SMAD2: variants seen among roughly 807,000 people sequenced by gnomAD.
SMAD2 encodes SMAD family member 2.
SMAD2 carries 8 observed loss-of-function variants against 64.4 expected under a neutral mutation model. That is an observed-to-expected ratio of 0.12 (90% CI 0.07 to 0.22). The LOEUF is 0.22. Ranked by LOEUF, SMAD2 falls within the 10% of genes least tolerant of loss-of-function variation. The pLI is 1.00. For synonymous variants in SMAD2, 203 were observed against 195.8 expected, an observed-to-expected ratio of 1.04 and a Z score of -0.31; for missense variants, 289 against 561.2, an observed-to-expected ratio of 0.51 and a Z score of 4.90.
chr18:47,867,459 T>C (rs1253924345), intron 5 of SMAD2: 4 of 152,076 alleles, frequency 2.6e-5, no homozygotes, highest in Non-Finnish European at 4.4e-5. Flanking sequence ...AAGAATTTTG[T>C]AAATGCTCTT....
At chr18:47,862,475 T>G (rs1035628492) in intron 6 of SMAD2, among the ~76,000 whole-genome samples, 1 of 152,224 alleles carries the variant, frequency 6.6e-6, no homozygotes, top group Non-Finnish European at 1.5e-5. Flanking sequence ...ATCCTAGGAA[T>G]TGCTCAGCTT....
At chr18:47,857,896 G>A (rs2030854335) in intron 6 of SMAD2, among the ~76,000 whole-genome samples, 2 of 152,176 alleles carry the variant, frequency 1.3e-5, no homozygotes, top group South Asian at 2.1e-4. Context: ...ATGCAGTCTT[G>A]CCATATTTGT....
chr18:47,858,938 G>A (rs2030942941), intron 6 of SMAD2, among the ~76,000 whole-genome samples: 1 of 151,890 alleles, frequency 6.6e-6, no homozygotes, highest in African/African-American at 2.4e-5. Context: ...AATATAAGCG[G>A]ACTAAATTTT....
chr18:47,864,565 A>T (rs2031420554), intron 6 of SMAD2, among the ~76,000 whole-genome samples: 1 of 152,078 alleles, frequency 6.6e-6, no homozygotes, highest in Non-Finnish European at 1.5e-5. Flanking sequence ...TAAAGCTTTA[A>T]TTTTTTTCTT....
At chr18:47,924,467 CTTT>C (rs935951805) in intron 1 of SMAD2, among the ~76,000 whole-genome samples, 1 of 143,110 alleles carries the variant, frequency 7.0e-6, no homozygotes, top group Admixed American at 7.0e-5. Context: ...TCTTTTTTTT[CTTT>C]TTTTTTTTTG....
intron 2 of SMAD2, among the ~76,000 whole-genome samples, chr18:47,871,381 C>T (rs1418488666): frequency 6.6e-6 from 1 of 152,174 alleles, no homozygotes; most frequent in African/African-American, 2.4e-5. Context: ...TTCAAAACAT[C>T]TTTTGAAAAT....
At chr18:47,884,426 GCCA>G (rs2032776351) in intron 2 of SMAD2, among the ~76,000 whole-genome samples, 1 of 152,000 alleles carries the variant, frequency 6.6e-6, no homozygotes, top group African/African-American at 2.4e-5. Flanking sequence ...AGAGACAGAG[GCCA>G]CATTTTTAAT....
rs1375874310 is a variant in SMAD2 at position 47,817,765 on chromosome 18, T to C, written c.*24062A>G. ...TGCATCTGTAAATGATTTGGCTCTT[T>C]TCCCCTGTTTCTGAACATCTCCCAA... On this transcript the variant is annotated 3_prime_UTR_variant, in exon 11 of 11. Coordinates refer to ENST00000262160, the MANE Select transcript of SMAD2 (RefSeq NM_005901.6). 1 of 152,262 alleles carries C rather than the reference T, an allele frequency of 6.6e-6. No individual in the cohort carries two copies. Among genetic ancestry groups the C allele is most frequent in the Non-Finnish European group, 1.5e-5 (1 of 68,048 alleles). The allele number at this position is 152,262 out of a possible 1,614,324, so 9.4% of individuals were successfully genotyped here. A position where few individuals can be genotyped will look rare whatever the true frequency, so the allele number is the denominator to read the frequency against.
chr18:47,885,220 G>A (rs186715422), intron 2 of SMAD2, among the ~76,000 whole-genome samples: 126 of 146,852 alleles, frequency 8.6e-4, no homozygotes, highest in African/African-American at 3.1e-3. Context: ...CTGTCACCCA[G>A]GCTGGAGTGC....
At chr18:47,849,802 GT>G (rs1914919319) in intron 7 of SMAD2, among the ~76,000 whole-genome samples, 1 of 151,998 alleles carries the variant, frequency 6.6e-6, no homozygotes, top group African/African-American at 2.4e-5. Flanking sequence ...GAGGCCAGGA[GT>G]TTGAGACCAG....
At chr18:47,864,157 A>C (rs2031389920) in intron 6 of SMAD2, among the ~76,000 whole-genome samples, 1 of 152,196 alleles carries the variant, frequency 6.6e-6, no homozygotes, top group Non-Finnish European at 1.5e-5. Flanking sequence ...TAAGATGTAT[A>C]ACACGTTATT....
chr18:47,860,102 C>T (rs866605646), intron 6 of SMAD2, among the ~76,000 whole-genome samples: 1 of 152,114 alleles, frequency 6.6e-6, no homozygotes, highest in Non-Finnish European at 1.5e-5. Flanking sequence ...CCACTGCACT[C>T]CAGCCTGGGC....
chr18:47,866,316 CAA>C (rs34302955), intron 5 of SMAD2, among the ~76,000 whole-genome samples: 35 of 42,090 alleles, frequency 8.3e-4, no homozygotes, highest in African/African-American at 3.1e-3. Context: ...AACACCGTCT[CAA>C]AAAAAAAAAA....
In SMAD2 at chr18:47,831,965, CTG is replaced by C. The variant is rs1913014445; in HGVS notation, c.*9860_*9861del. On this transcript the variant is annotated 3_prime_UTR_variant, in exon 11 of 11. Coordinates refer to ENST00000262160, the MANE Select transcript of SMAD2 (RefSeq NM_005901.6). ...ATCTGTCAAAGGGTAAGCTGGATAACTGTATGTTGCAAACATGTTCCTGAACA... is the reference window on the plus strand; with the variant it reads ...ATCTGTCAAAGGGTAAGCTGGATAACTATGTTGCAAACATGTTCCTGAACA... 2.0e-5 allele frequency: 3 copies of C among 152,200 alleles called. No individual in the cohort carries two copies. In the South Asian group the frequency reaches 6.2e-4, roughly 32 times the overall value. The allele number at this position is 152,200 out of a possible 1,614,324, so 9.4% of individuals were successfully genotyped here.
intron 1 of SMAD2, among the ~76,000 whole-genome samples, chr18:47,909,033 T>A (rs1364107180): frequency 6.6e-6 from 1 of 151,754 alleles, no homozygotes; most frequent in Admixed American, 6.6e-5. Context: ...TGCCCACCAT[T>A]TCAAGATAAA....
intron 1 of SMAD2, among the ~76,000 whole-genome samples, chr18:47,917,339 T>G (rs1385293366): frequency 2.0e-5 from 3 of 152,224 alleles, no homozygotes; most frequent in Non-Finnish European, 4.4e-5. Flanking sequence ...TTCCATTCCT[T>G]TGCTTTTAAA....
intron 1 of SMAD2, among the ~76,000 whole-genome samples, chr18:47,919,468 ATACACACAC>A (rs772841910): frequency 5.8e-4 from 45 of 77,390 alleles, no homozygotes; most frequent in South Asian, 5.2e-3. Flanking sequence ...AAAAAAAAAA[ATACACACAC>A]ACACACACAC....
intron 1 of SMAD2, among the ~76,000 whole-genome samples, chr18:47,917,201 T>C (rs1237213990): frequency 1.3e-5 from 2 of 152,240 alleles, no homozygotes; most frequent in South Asian, 2.1e-4. Flanking sequence ...CATAACCTTG[T>C]AGTTTTTTAA....
chr18:47,909,796 T>C (rs1422454965), intron 1 of SMAD2, among the ~76,000 whole-genome samples: 3 of 152,192 alleles, frequency 2.0e-5, no homozygotes, highest in Admixed American at 1.3e-4. Flanking sequence ...TAAAGTTCTT[T>C]TGACATTGGA....
Sources: allele counts gnomAD v4.1 joint callset (sites outside exome capture counted in the v4.1 genomes callset), GRCh38; gene constraint gnomAD v4.1.1; transcripts MANE v1.5; gene names NCBI Gene and HGNC (gene_info 2026-07-23, HGNC 2026-07-21).